TMEM268: variants seen among roughly 807,000 people sequenced by gnomAD.
The protein encoded by TMEM268 is transmembrane protein 268.
In TMEM268, 24 loss-of-function variants were observed where a neutral mutation model predicts 39.1. The ratio of observed to expected loss-of-function variants is 0.61; its 90% CI spans 0.44 to 0.86. The LOEUF (loss-of-function observed/expected upper bound fraction) is 0.86, where lower values mean the gene tolerates loss of function less well. TMEM268 is among the 40% of genes least tolerant of loss of function. TMEM268 has a pLI of 0.00. For synonymous variants in TMEM268, 176 were observed against 173.5 expected, an observed-to-expected ratio of 1.01 and a Z score of -0.12; for missense variants, 409 against 428.6, an observed-to-expected ratio of 0.95 and a Z score of 0.40.
chr9:114,634,992 G>C (rs1040556748), intron 6 of TMEM268, among the ~76,000 whole-genome samples: 1 of 152,126 alleles, frequency 6.6e-6, no homozygotes, highest in Non-Finnish European at 1.5e-5. Flanking sequence ...TCCTTTATCC[G>C]TTGGCACGTA....
chr9:114,634,611 T>C (rs796721250), intron 6 of TMEM268, among the ~76,000 whole-genome samples: 8 of 152,262 alleles, frequency 5.3e-5, no homozygotes, highest in African/African-American at 1.9e-4. Flanking sequence ...TTGCAAAACC[T>C]CCTTGGCACC....
At chr9:114,612,434 C>T (rs77308726) in intron 1 of TMEM268, among the ~76,000 whole-genome samples, 2,025 of 152,252 alleles carry the variant, frequency 0.013, 66 homozygotes, top group East Asian at 0.099. Flanking sequence ...GCTCTGCCTC[C>T]ACCCTGCTGT....
chr9:114,616,006 TTTTTTCTTTTC>T (rs1382082896), intron 1 of TMEM268, among the ~76,000 whole-genome samples: 8 of 145,698 alleles, frequency 5.5e-5, no homozygotes, highest in South Asian at 5.0e-4. Context: ...TTTCTTTTTC[TTTTTTCTTTTC>T]TTTTTTTTTT....
chr9:114,614,404 C>T (rs943132958), intron 1 of TMEM268, among the ~76,000 whole-genome samples: 21 of 152,202 alleles, frequency 1.4e-4, no homozygotes, highest in Admixed American at 1.3e-3. Flanking sequence ...GAAGCCCCTC[C>T]CATTTGGTTT....
chr9:114,630,279 T>TCCATCCATCCATCCATCC lies in TMEM268; in HGVS notation c.474+2029_474+2030insCCATCCATCCATCCATCC, dbSNP rs1554758354. Among the ~76,000 whole-genome samples the TCCATCCATCCATCCATCC allele has an allele frequency of 5.0e-3, 742 of 148,216 alleles. 13 individuals are homozygous for TCCATCCATCCATCCATCC. The highest frequency in any genetic ancestry group is 0.032 in the East Asian group (157 of 4,952). ...ATTTACTGTTCCAACAATATATATC[T>TCCATCCATCCATCCATCC]ATCCATCCATCCATCCATCCATCCA... On this transcript the variant is annotated intron_variant, in intron 5 of 8. Coordinates refer to ENST00000288502, the MANE Select transcript of TMEM268 (RefSeq NM_153045.4).
At chr9:114,604,383 G>A in the TMEM268 span, among the ~76,000 whole-genome samples, 1 of 151,740 alleles carries the variant, frequency 6.6e-6, no homozygotes, top group Non-Finnish European at 1.5e-5. Context: ...TTCGAGACGA[G>A]CCTGGCCAAC....
upstream of TMEM268, among the ~76,000 whole-genome samples, chr9:114,610,979 T>C (rs569026368): frequency 8.1e-4 from 124 of 152,266 alleles, no homozygotes; most frequent in Non-Finnish European, 8.7e-4. Context: ...CCCAACACTT[T>C]GGGAGGCCAA....
chr9:114,619,520 G>A (rs1484192050), intron 2 of TMEM268, among the ~76,000 whole-genome samples: 2 of 152,214 alleles, frequency 1.3e-5, no homozygotes, highest in African/African-American at 4.8e-5. Context: ...GTAATTCAGT[G>A]TACAACGACC....
At chr9:114,618,011 G>A (rs1165593725) in intron 2 of TMEM268, among the ~76,000 whole-genome samples, 1 of 151,854 alleles carries the variant, frequency 6.6e-6, no homozygotes, top group Non-Finnish European at 1.5e-5. Context: ...CGAGTAGCTG[G>A]GATTACAGGT....
At chr9:114,605,219 A>C in the TMEM268 span, among the ~76,000 whole-genome samples, 1 of 152,158 alleles carries the variant, frequency 6.6e-6, no homozygotes, top group African/African-American at 2.4e-5. Flanking sequence ...TCTCCCCTTG[A>C]GGGTCATTCT....
At chr9:114,625,218 G>C (rs796814414) in intron 3 of TMEM268, among the ~76,000 whole-genome samples, 56 of 152,278 alleles carry the variant, frequency 3.7e-4, no homozygotes, top group African/African-American at 1.3e-3. Context: ...AATAATGCTT[G>C]AGGAACCCTG....
intron 2 of TMEM268, chr9:114,622,509 G>A: frequency 5.1e-6 from 5 of 985,242 alleles, no homozygotes; most frequent in Non-Finnish European, 6.0e-6. Context: ...AGGTAGGTTT[G>A]GCTTTGTGCT....
intron 1 of TMEM268, among the ~76,000 whole-genome samples, chr9:114,614,874 C>T (rs1300402368): frequency 6.7e-6 from 1 of 149,912 alleles, no homozygotes; most frequent in Admixed American, 6.6e-5. Flanking sequence ...AGGAAACACC[C>T]ATGACAGGTG....
At chr9:114,612,481 G>C (rs1845541801) in intron 1 of TMEM268, among the ~76,000 whole-genome samples, 1 of 152,220 alleles carries the variant, frequency 6.6e-6, no homozygotes, top group Non-Finnish European at 1.5e-5. Flanking sequence ...GGCTGGTGCA[G>C]GGCTGAGCTG....
intron 1 of TMEM268, among the ~76,000 whole-genome samples, chr9:114,615,192 G>C (rs1335120104): frequency 6.6e-6 from 1 of 152,018 alleles, no homozygotes; most frequent in African/African-American, 2.4e-5. Flanking sequence ...CCACCGTGCT[G>C]GGTGGTGTCA....
chr9:114,628,360 T>C (rs1487673188), intron 5 of TMEM268, 110 bp downstream of exon 5: 2 of 1,247,638 alleles, frequency 1.6e-6, no homozygotes, highest in Non-Finnish European at 2.3e-6. Flanking sequence ...GCCATGAAAA[T>C]TCACACTAGC....
At chr9:114,628,545 G>T (rs1846258898) in intron 5 of TMEM268, among the ~76,000 whole-genome samples, 1 of 152,106 alleles carries the variant, frequency 6.6e-6, no homozygotes, top group Non-Finnish European at 1.5e-5. Context: ...GCCCTCTCAT[G>T]CACTTCCTCT....
Position 114,634,507 on chromosome 9 carries a change from G to A in TMEM268, c.585+629G>A, listed in dbSNP as rs535122020. Among the ~76,000 whole-genome samples, 4 of 152,302 alleles carry A rather than the reference G, an allele frequency of 2.6e-5. No individual in the cohort carries two copies. In the East Asian group the frequency reaches 5.8e-4, roughly 22 times the overall value. On this transcript the variant is annotated intron_variant, in intron 6 of 8. Coordinates refer to ENST00000288502, the MANE Select transcript of TMEM268 (RefSeq NM_153045.4). ...GAGATCTGAAAGTGACTAGTATGGC[G>A]TGGCAGGGTGGGTCAGAACACAGTT...
Position 114,645,760 on chromosome 9 carries a change from T to A in TMEM268, c.*2447T>A, listed in dbSNP as rs1052920577. 21 of 152,290 alleles carry A rather than the reference T, an allele frequency of 1.4e-4. No individual in the cohort carries two copies. The highest frequency in any genetic ancestry group is 8.5e-4 in the Admixed American group (13 of 15,274). The allele number at this position is 152,290 out of a possible 1,614,324, so 9.4% of individuals were successfully genotyped here. A position where few individuals can be genotyped will look rare whatever the true frequency, so the allele number is the denominator to read the frequency against. ...GTGTTTCTTTTCCTGACTTTTCCTT[T>A]CTTTAGAATTTTTGATGGTCTCACC... is the stretch of plus-strand genomic sequence containing the variant. On this transcript the variant is annotated 3_prime_UTR_variant, in exon 9 of 9. Coordinates refer to ENST00000288502, the MANE Select transcript of TMEM268 (RefSeq NM_153045.4).
Sources: gnomAD v4.1 joint callset for allele counts (sites outside exome capture counted in the v4.1 genomes callset) on GRCh38, gnomAD v4.1.1 for gene constraint, MANE v1.5 for transcripts, NCBI Gene and HGNC (gene_info 2026-07-23, HGNC 2026-07-21) for gene names.